EXD3: variants seen among roughly 807,000 people sequenced by gnomAD.
EXD3 encodes exonuclease mut-7 homolog.
EXD3 carries 92 observed loss-of-function variants against 98.0 expected under a neutral mutation model. The ratio of observed to expected loss-of-function variants is 0.94; its 90% CI spans 0.79 to 1.12. The LOEUF (loss-of-function observed/expected upper bound fraction) is 1.12. Among genes scored for constraint, EXD3 ranks in the 50% most tolerant of loss-of-function variants. The pLI, the probability that EXD3 is intolerant of heterozygous loss-of-function variation, is 0.00. For synonymous variants in EXD3, 569 were observed against 526.0 expected, an observed-to-expected ratio of 1.08 and a Z score of -1.12; for missense variants, 1,222 against 1,191.6, an observed-to-expected ratio of 1.03 and a Z score of -0.38.
At chr9:137,357,702 ATATATACATATATATAT>A in intron 7 of EXD3, among the ~76,000 whole-genome samples, 1 of 143,758 alleles carries the variant, frequency 7.0e-6, no homozygotes, top group East Asian at 2.0e-4. Context: ...CTCATAGGAT[ATATATACATATATATAT>A]TATATACAGG....
At position 137,344,132 on chromosome 9, in the gene EXD3, C is replaced by G. The variant is rs185853063; in HGVS notation, c.1998+3939G>C. Among the ~76,000 whole-genome samples, 35 of 151,906 alleles carry G rather than the reference C, an allele frequency of 2.3e-4. 1 individual carries two copies. The East Asian group carries it at 3.3e-3, about 14-fold the overall frequency. Reference sequence around the variant, plus strand: ...GGTCTCGATCTTCTGACCTGGTGATCCGCCCACCTCGGCCTCTGAAAGTGC... The same window carrying G: ...GGTCTCGATCTTCTGACCTGGTGATGCGCCCACCTCGGCCTCTGAAAGTGC... On this transcript the variant is annotated intron_variant, in intron 17 of 21. Coordinates refer to ENST00000340951, the MANE Select transcript of EXD3 (RefSeq NM_017820.5).
chr9:137,377,445 T>TAAAA (rs60776134), intron 3 of EXD3, among the ~76,000 whole-genome samples: 14 of 94,480 alleles, frequency 1.5e-4, no homozygotes, highest in African/African-American at 5.1e-4. Flanking sequence ...ACTCTGTCTC[T>TAAAA]AAAAAAAAAA....
chr9:137,352,397 C>T (rs184337539), intron 11 of EXD3, among the ~76,000 whole-genome samples, 196 bp from the exon 12 acceptor site: 74 of 152,324 alleles, frequency 4.9e-4, no homozygotes, highest in Admixed American at 7.8e-4. Context: ...GTGACTGTCC[C>T]CCCAGGGTCC....
chr9:137,331,493 C>T (rs1057095581), intron 17 of EXD3, among the ~76,000 whole-genome samples: 1 of 152,172 alleles, frequency 6.6e-6, no homozygotes, highest in Non-Finnish European at 1.5e-5. Flanking sequence ...AATGTTATGA[C>T]TGTATACCTC....
intron 10 of EXD3, chr9:137,353,916 G>A (rs994368705): frequency 1.7e-5 from 17 of 1,007,144 alleles, no homozygotes; most frequent in African/African-American, 8.6e-5. Flanking sequence ...CGTGGAAGCC[G>A]CCCGCATTCT....
intron 17 of EXD3, among the ~76,000 whole-genome samples, chr9:137,344,711 G>C (rs1424165678): frequency 6.6e-6 from 1 of 152,148 alleles, no homozygotes; most frequent in South Asian, 2.1e-4. Context: ...GTTTAAGAGC[G>C]CTCCCCTCAG....
rs931003955 is a variant in EXD3, at chr9:137,403,422, CCAG to C, written c.-47-8021_-47-8019del. Among the ~76,000 whole-genome samples the C allele has an allele frequency of 0.01, 411 of 40,594 alleles. 3 individuals carry two copies. The highest frequency in any genetic ancestry group is 0.013 in the Non-Finnish European group (227 of 18,094). The allele number at this position is 40,594 out of a possible 152,430, so 26.6% of individuals were successfully genotyped here. On this transcript the variant is annotated intron_variant, in intron 1 of 21. Transcript: ENST00000340951. The surrounding 1 kb of genome is among the most constrained non-coding windows in gnomAD (Gnocchi z 6.1). ...CTCTGTAGCCCTCCCCACCCCCAGCCCAGCAGCAGCAGCAGCCAGCACACCCTG... is the reference window on the plus strand; with the variant it reads ...CTCTGTAGCCCTCCCCACCCCCAGCCCAGCAGCAGCAGCCAGCACACCCTG...
intron 10 of EXD3, chr9:137,353,647 C>T: frequency 1.0e-6 from 1 of 985,924 alleles, no homozygotes; most frequent in Non-Finnish European, 1.2e-6. Flanking sequence ...CACCTACAGG[C>T]CTGCGGGACC....
chr9:137,355,790 T>A (rs1208536695), intron 8 of EXD3, among the ~76,000 whole-genome samples: 1 of 151,822 alleles, frequency 6.6e-6, no homozygotes, highest in East Asian at 1.9e-4. Flanking sequence ...GGTGCCAGCC[T>A]GTACCCTCCT....
At chr9:137,332,713 CGG>C (rs1833147978) in intron 17 of EXD3, among the ~76,000 whole-genome samples, 1 of 135,262 alleles carries the variant, frequency 7.4e-6, no homozygotes, top group African/African-American at 2.8e-5. Flanking sequence ...TGCATGGTGG[CGG>C]GCGCCTGTAG....
chr9:137,329,964 TACA>T (rs1832905451), intron 17 of EXD3, among the ~76,000 whole-genome samples: 6 of 4,208 alleles, frequency 1.4e-3, no homozygotes, highest in African/African-American at 4.4e-3. Context: ...ACAGGAGCTA[TACA>T]GGAGCTACAC....
At chr9:137,414,659 C>T (rs2131833426) in intron 1 of EXD3, among the ~76,000 whole-genome samples, 1 of 152,310 alleles carries the variant, frequency 6.6e-6, no homozygotes, top group African/African-American at 2.4e-5. Flanking sequence ...ACCAATTTAA[C>T]TTAAGGATTG....
chr9:137,418,746 AT>A (rs530250229), intron 1 of EXD3, among the ~76,000 whole-genome samples: 52 of 151,932 alleles, frequency 3.4e-4, no homozygotes, highest in Non-Finnish European at 5.0e-4. Context: ...ATTGTAAAAT[AT>A]TTTTATCTTC....
intron 4 of EXD3, 31 bp downstream of exon 4, chr9:137,373,395 G>T (rs1835737753): frequency 1.3e-6 from 2 of 1,597,960 alleles, no homozygotes; most frequent in Non-Finnish European, 8.5e-7. Flanking sequence ...GGCAGGAAGG[G>T]AGGTGACTGT....
chr9:137,391,020 G>C (rs1200137815), intron 2 of EXD3, among the ~76,000 whole-genome samples: 1 of 152,234 alleles, frequency 6.6e-6, no homozygotes, highest in Non-Finnish European at 1.5e-5. Context: ...CCACACCTCT[G>C]GGGGACCCAT....
chr9:137,391,606 C>T (rs1836916071), intron 2 of EXD3, among the ~76,000 whole-genome samples: 1 of 135,668 alleles, frequency 7.4e-6, no homozygotes, highest in Non-Finnish European at 1.5e-5. Context: ...ATTCCTGGAG[C>T]TGCTGCCTCT....
At chr9:137,406,499 C>T (rs1837720956) in intron 1 of EXD3, among the ~76,000 whole-genome samples, 1 of 151,730 alleles carries the variant, frequency 6.6e-6, no homozygotes, top group South Asian at 2.1e-4. Flanking sequence ...TTGTCCCAAA[C>T]GGCAGAGGCG....
At chr9:137,367,820 C>G in intron 6 of EXD3, 116 bp downstream of exon 6, 1 of 1,018,922 alleles carries the variant, frequency 9.8e-7, no homozygotes, top group East Asian at 2.6e-5. Context: ...CCCCGATGGC[C>G]CTGCTGTCCC....
In EXD3 at chr9:137,349,715, C is replaced by A. The variant is rs1032975728; in HGVS notation, c.1495-184G>T. Among the ~76,000 whole-genome samples the A allele has an allele frequency of 2.6e-5, 4 of 151,906 alleles. No individual in the cohort carries two copies. On this transcript the variant is annotated intron_variant, in intron 14 of 21. Transcript: ENST00000340951. This position sits in a 1 kb window ranked among gnomAD's most constrained non-coding sequence, Gnocchi z 7.4. The stretch of plus-strand genomic sequence containing the variant: ...GAGGAGAGGCTCCACGTGGGGGTCC[C>A]AGGCTGCAGGCACTGCACACCAGGG...
Sources: gnomAD v4.1 joint callset for allele counts (sites outside exome capture counted in the v4.1 genomes callset) on GRCh38, gnomAD v4.1.1 for gene constraint, Gnocchi (gnomAD v3.1) non-coding constraint, MANE v1.5 for transcripts, NCBI Gene and HGNC (gene_info 2026-07-23, HGNC 2026-07-21) for gene names.